The following ZNF260 variants were observed in gnomAD, a reference collection of about 807,000 sequenced individuals.
ZNF260 encodes the protein zinc finger protein 260.
In ZNF260, 21 loss-of-function variants were observed where a neutral mutation model predicts 29.3. That is an observed-to-expected ratio of 0.72 (90% CI 0.51 to 1.03). ZNF260 has a LOEUF of 1.03. Among genes scored for constraint, ZNF260 ranks in the 50% least tolerant of loss-of-function variants. The probability of loss-of-function intolerance (pLI) is 0.00; values close to 1 mark genes in which losing one functional copy is unlikely to be tolerated. For missense variants in ZNF260, 465 were observed against 487.8 expected, an observed-to-expected ratio of 0.95 and a Z score of 0.44; for synonymous variants, 156 against 156.8, an observed-to-expected ratio of 0.99 and a Z score of 0.04.
rs1347683277 is a variant in ZNF260, at chr19:36,515,286, A to G, written c.-48T>C. ...TTTCCCTAGTATCAAATAAGATGTA[A>G]TAAGGATGAAAGCTTTCCCACATTC... On this transcript the variant is annotated 5_prime_UTR_variant, in exon 3 of 3. Transcript: ENST00000523638. 2.7e-6 allele frequency: 4 copies of G among 1,465,204 alleles called. No individual in the cohort carries two copies. The highest frequency in any genetic ancestry group is 5.2e-5 in the Admixed American group (2 of 38,602). 90.8% of individuals were successfully genotyped at this position (1,465,204 alleles called of 1,614,324 possible).
intron 2 of ZNF260, among the ~76,000 whole-genome samples, chr19:36,523,582 T>C (rs1426839810): frequency 1.3e-5 from 2 of 149,650 alleles, no homozygotes; most frequent in East Asian, 1.9e-4. Flanking sequence ...TATTTCTTTT[T>C]TTTTTTTTTT....
intron 2 of ZNF260, among the ~76,000 whole-genome samples, chr19:36,524,414 C>T (rs1372931801): frequency 6.6e-6 from 1 of 151,742 alleles, no homozygotes; most frequent in Non-Finnish European, 1.5e-5. Flanking sequence ...CTCCTGACCT[C>T]GTGATCCGCC....
chr19:36,514,091 G>A lies in ZNF260; in HGVS notation c.1148C>T (p.Thr383Ile). 6.2e-7 allele frequency: 1 copy of A among 1,614,068 alleles called. No homozygotes were observed. Among genetic ancestry groups the A allele is most frequent in the Non-Finnish European group, 8.5e-7 (1 of 1,179,984 alleles). The change falls in exon 3 of 3, where the codon ACT (threonine) becomes ATT (isoleucine). Residue 383 changes from threonine to isoleucine, a missense_variant. Physicochemically the swap from Thr to Ile is moderately conservative, Grantham distance 89 (BLOSUM62 -1). Coordinates refer to ENST00000523638, the MANE Select transcript of ZNF260 (RefSeq NM_001166037.2). Reference protein sequence around the residue: ...STLALHMRIHTGEKPYQCSEC... With the variant: ...STLALHMRIHIGEKPYQCSEC... ...ACTACACTGATAAGGTTTTTCACCA[G>A]TATGGATTCTCATGTGCAGAGCAAG...
chr19:36,512,992 G>C lies in ZNF260; in HGVS notation c.*1008C>G. On this transcript the variant is annotated 3_prime_UTR_variant, in exon 3 of 3. Transcript: ENST00000523638. ...CTGTAGTCACCACAGTTCATAAATA[G>C]TTGAGAACAGTACAATAAGGTATTC... is the stretch of plus-strand genomic sequence containing the variant. 6.6e-6 allele frequency: 1 copy of C among 152,110 alleles called. No homozygotes were observed. Among genetic ancestry groups the C allele is most frequent in the Admixed American group, 6.6e-5 (1 of 15,264 alleles). 9.4% of individuals were successfully genotyped at this position (152,110 alleles called of 1,614,324 possible).
Position 36,516,417 on chromosome 19 carries a change from G to A in ZNF260, c.-461-718C>T, listed in dbSNP as rs190893195. ...TTGAGAGCAGCCTTGGTAACACAGC[G>A]AGACTCTCGTCTCTATAAAAAATTT... On this transcript the variant is annotated intron_variant, in intron 2 of 2. Transcript: ENST00000523638. Among the ~76,000 whole-genome samples the A allele has an allele frequency of 2.2e-4, 33 of 151,834 alleles. 1 individual carries two copies. Among genetic ancestry groups the A allele is most frequent in the Middle Eastern group, 6.8e-3 (2 of 294 alleles).
chr19:36,523,819 A>G (rs954043107), intron 2 of ZNF260, among the ~76,000 whole-genome samples: 5 of 151,632 alleles, frequency 3.3e-5, no homozygotes, highest in African/African-American at 1.2e-4. Flanking sequence ...CTCATGATCC[A>G]CCTGCCGCAG....
chr19:36,516,769 G>A (rs539846415), intron 2 of ZNF260, among the ~76,000 whole-genome samples: 4 of 152,200 alleles, frequency 2.6e-5, no homozygotes. Context: ...TAGTAGAAAC[G>A]GGGTTTCACC....
chr19:36,527,575 G>A (rs946477777), intron 1 of ZNF260, among the ~76,000 whole-genome samples: 1 of 152,182 alleles, frequency 6.6e-6, no homozygotes, highest in Non-Finnish European at 1.5e-5. Context: ...GGCAGGACAA[G>A]TAGCTTCCAA....
At chr19:36,517,395 T>TAATAAA (rs2034569279) in intron 2 of ZNF260, 1 of 143,372 alleles carries the variant, frequency 7.0e-6, no homozygotes. Flanking sequence ...ACCTTGTCTC[T>TAATAAA]AAAAAAAAAA....
rs2034457331 is a variant in ZNF260, at chr19:36,511,856, T to C, written c.*2144A>G. On this transcript the variant is annotated 3_prime_UTR_variant, in exon 3 of 3. Coordinates refer to ENST00000523638, the MANE Select transcript of ZNF260 (RefSeq NM_001166037.2). ...TGACATAATTGAGAAAGAAATTTAG[T>C]CTGCAGGTTAAAAGTGAAGCTGAAA... 1 of 152,132 alleles carries C rather than the reference T, an allele frequency of 6.6e-6. No homozygotes were observed. The highest frequency in any genetic ancestry group is 1.5e-5 in the Non-Finnish European group (1 of 68,032). 9.4% of individuals were successfully genotyped at this position (152,132 alleles called of 1,614,324 possible). A position where few individuals can be genotyped will look rare whatever the true frequency, so the allele number is the denominator to read the frequency against.
Position 36,514,982 on chromosome 19 carries a change from T to TTACATTTA in ZNF260, c.249_256dup (p.Asn86IlefsTer241), listed in dbSNP as rs1568550450. ...CTGGCTGAAGGCTTTTCCACATTTA[T>TTACATTTA]TACATTTATATGCCTTCTTTCCTGT... On this transcript the variant is annotated frameshift_variant, in exon 3 of 3. Coordinates refer to ENST00000523638, the MANE Select transcript of ZNF260 (RefSeq NM_001166037.2). LOFTEE classifies it high-confidence loss of function. 1 of 1,614,136 alleles carries TTACATTTA rather than the reference T, an allele frequency of 6.2e-7. No individual in the cohort carries two copies. Among genetic ancestry groups the TTACATTTA allele is most frequent in the South Asian group, 1.1e-5 (1 of 91,084 alleles).
In ZNF260 at chr19:36,513,988, T is replaced by C. The variant is rs1286105614; in HGVS notation, c.*12A>G. On this transcript the variant is annotated 3_prime_UTR_variant, in exon 3 of 3. Coordinates refer to ENST00000523638, the MANE Select transcript of ZNF260 (RefSeq NM_001166037.2). Reference sequence around the variant, plus strand: ...GAACGTTTTGCTAAATCCAAGGCATTCATAGAGAACTTTAATGAGTATGAA... The same window carrying C: ...GAACGTTTTGCTAAATCCAAGGCATCCATAGAGAACTTTAATGAGTATGAA... The C allele has an allele frequency of 1.2e-6, 2 of 1,601,010 alleles. No homozygotes were observed. Among genetic ancestry groups the C allele is most frequent in the Admixed American group, 1.7e-5 (1 of 58,792 alleles).
intron 2 of ZNF260, among the ~76,000 whole-genome samples, chr19:36,522,328 T>C (rs1329531784): frequency 6.6e-6 from 1 of 151,478 alleles, no homozygotes; most frequent in Non-Finnish European, 1.5e-5. Context: ...TGGTGACATG[T>C]TCCTGTAATG....
In ZNF260 at chr19:36,512,008, A is replaced by G. The variant is rs1467530851; in HGVS notation, c.*1992T>C. ...TGCAGAGTATTAAAATTTCTGATAAATGTTTTAGTAAAAACTAATTCTCTC... is the reference window on the plus strand; with the variant it reads ...TGCAGAGTATTAAAATTTCTGATAAGTGTTTTAGTAAAAACTAATTCTCTC... On this transcript the variant is annotated 3_prime_UTR_variant, in exon 3 of 3. Coordinates refer to ENST00000523638, the MANE Select transcript of ZNF260 (RefSeq NM_001166037.2). The G allele has an allele frequency of 6.6e-6, 1 of 152,178 alleles. No individual in the cohort carries two copies. The highest frequency in any genetic ancestry group is 2.4e-5 in the African/African-American group (1 of 41,456). 9.4% of individuals were successfully genotyped at this position (152,178 alleles called of 1,614,324 possible). A position where few individuals can be genotyped will look rare whatever the true frequency, so the allele number is the denominator to read the frequency against.
Position 36,513,569 on chromosome 19 carries a change from TCA to T in ZNF260, c.*429_*430del, listed in dbSNP as rs2034486818. 1 of 403,124 alleles carries T rather than the reference TCA, an allele frequency of 2.5e-6. No homozygotes were observed. Among genetic ancestry groups the T allele is most frequent in the Non-Finnish European group, 4.4e-6 (1 of 228,030 alleles). 25.0% of individuals were successfully genotyped at this position (403,124 alleles called of 1,614,324 possible). A position where few individuals can be genotyped will look rare whatever the true frequency, so the allele number is the denominator to read the frequency against. ...CTGAATTCAATATTCTGTCTCAGTCTCAGTTTTATGACTGCTTCAACAACAAA... is the reference window on the plus strand; with the variant it reads ...CTGAATTCAATATTCTGTCTCAGTCTGTTTTATGACTGCTTCAACAACAAA... On this transcript the variant is annotated 3_prime_UTR_variant, in exon 3 of 3. Transcript: ENST00000523638.
In ZNF260 at chr19:36,514,505, T is replaced by C. The variant is rs140132208; in HGVS notation, c.734A>G (p.Glu245Gly). ...LIRHQRSHTG[E>G]KPYTCKECGK... ...ACATTCCTTACACGTATAAGGTTTC[T>C]CTCCTGTGTGACTTCTCTGGTGTCT... The change falls in exon 3 of 3, where the codon GAG (glutamate) becomes GGG (glycine). Residue 245 changes from glutamate (E) to glycine (G), a missense_variant. By Grantham distance (98) the Glu-to-Gly change is moderately conservative. Coordinates refer to ENST00000523638, the MANE Select transcript of ZNF260 (RefSeq NM_001166037.2). The C allele has an allele frequency of 5.9e-4, 946 of 1,614,032 alleles. 11 individuals carry two copies. The highest frequency in any genetic ancestry group is 1.3e-4 in the Non-Finnish European group (151 of 1,180,024).
chr19:36,515,254 C>T lies in ZNF260; in HGVS notation c.-16G>A, dbSNP rs755042569. 2 of 1,526,446 alleles carry T rather than the reference C, an allele frequency of 1.3e-6. No individual in the cohort carries two copies. Among genetic ancestry groups the T allele is most frequent in the Non-Finnish European group, 1.8e-6 (2 of 1,138,548 alleles). 94.6% of individuals were successfully genotyped at this position (1,526,446 alleles called of 1,614,324 possible). A position where few individuals can be genotyped will look rare whatever the true frequency, so the allele number is the denominator to read the frequency against. The stretch of plus-strand genomic sequence containing the variant: ...TGCCTATCATGCATGTGAATTTAAT[C>T]AGGAGATTTCCCTAGTATCAAATAA... On this transcript the variant is annotated 5_prime_UTR_variant, in exon 3 of 3. An upstream open reading frame in the 5' UTR loses its in-frame stop. Coordinates refer to ENST00000523638, the MANE Select transcript of ZNF260 (RefSeq NM_001166037.2).
At chr19:36,516,935 TA>T (rs2034561827) in intron 2 of ZNF260, among the ~76,000 whole-genome samples, 1 of 152,098 alleles carries the variant, frequency 6.6e-6, no homozygotes, top group South Asian at 2.1e-4. Context: ...GACAAATACT[TA>T]AAAGACTGGG....
At chr19:36,525,423 T>G (rs2967449) in intron 1 of ZNF260, 50 bp from the exon 2 acceptor site, 53,192 of 152,010 alleles carry the variant, frequency 0.35, 9,504 homozygotes, top group African/African-American at 0.41. Flanking sequence ...GACCTACATG[T>G]GAGCAAATGG....
Sources: gnomAD v4.1 joint callset for allele counts (sites outside exome capture counted in the v4.1 genomes callset) on GRCh38, gnomAD v4.1.1 for gene constraint, MANE v1.5 for transcripts, NCBI Gene and HGNC (gene_info 2026-07-23, HGNC 2026-07-21) for gene names.